Variants in ARHGAP42 observed in about 807,000 individuals in gnomAD.
ARHGAP42 encodes the protein rho GTPase-activating protein 42.
In ARHGAP42, 63 loss-of-function variants were observed where a neutral mutation model predicts 125.0. The ratio of observed to expected loss-of-function variants is 0.50; its 90% CI spans 0.41 to 0.62. The LOEUF (loss-of-function observed/expected upper bound fraction) is 0.62, where lower values mean the gene tolerates loss of function less well. ARHGAP42 is among the 20% of genes least tolerant of loss of function. ARHGAP42 has a pLI of 0.00. For missense variants in ARHGAP42, 766 were observed against 1,024.2 expected (o/e 0.75, Z 3.44); for synonymous variants, 339 against 351.0 (o/e 0.97, Z 0.38).
intron 12 of ARHGAP42, among the ~76,000 whole-genome samples, chr11:100,959,513 A>C (rs1217695697): frequency 6.6e-6 from 1 of 152,102 alleles, no homozygotes; most frequent in Non-Finnish European, 1.5e-5. Context: ...ATCGCGGGAA[A>C]GGATATGTGA....
At chr11:100,709,525 T>C (rs1861527840) in intron 1 of ARHGAP42, among the ~76,000 whole-genome samples, 1 of 152,198 alleles carries the variant, frequency 6.6e-6, no homozygotes, top group South Asian at 2.1e-4. Context: ...TTAAAACTGG[T>C]TGTTTCTTTC....
At chr11:100,717,796 C>T (rs942844002) in intron 1 of ARHGAP42, among the ~76,000 whole-genome samples, 50 of 149,942 alleles carry the variant, frequency 3.3e-4, no homozygotes, top group Non-Finnish European at 5.9e-5. Flanking sequence ...CGTGGTGGCA[C>T]ACACCTGTCA....
intron 3 of ARHGAP42, among the ~76,000 whole-genome samples, chr11:100,852,756 C>T (rs1390544508): frequency 2.0e-5 from 3 of 152,100 alleles, no homozygotes; most frequent in Non-Finnish European, 4.4e-5. Context: ...AACTGTGTTA[C>T]AGGAATATTT....
intron 2 of ARHGAP42, among the ~76,000 whole-genome samples, chr11:100,787,435 A>G (rs912389701): frequency 6.6e-6 from 1 of 152,196 alleles, no homozygotes; most frequent in African/African-American, 2.4e-5. Context: ...TCTTTTGTTT[A>G]TAAATTACCC....
chr11:100,717,996 C>T (rs1322643738), intron 1 of ARHGAP42, among the ~76,000 whole-genome samples: 9 of 150,506 alleles, frequency 6.0e-5, no homozygotes, highest in Non-Finnish European at 1.2e-4. Flanking sequence ...AAACTTGTTT[C>T]TGTTTTATAA....
chr11:100,715,359 A>AATC (rs1200617007), intron 1 of ARHGAP42, among the ~76,000 whole-genome samples: 1 of 152,046 alleles, frequency 6.6e-6, no homozygotes, highest in Non-Finnish European at 1.5e-5. Flanking sequence ...TAACCCAGTG[A>AATC]ATCTAGTATC....
chr11:100,709,706 C>T (rs1266376378), intron 1 of ARHGAP42, among the ~76,000 whole-genome samples: 3 of 152,106 alleles, frequency 2.0e-5, no homozygotes, highest in Non-Finnish European at 4.4e-5. Context: ...GGCTTAAAGT[C>T]CTCAGATTGA....
intron 4 of ARHGAP42, among the ~76,000 whole-genome samples, chr11:100,898,140 C>T (rs1233646149): frequency 1.3e-5 from 2 of 152,110 alleles, no homozygotes; most frequent in African/African-American, 4.8e-5. Context: ...TGATGGATTA[C>T]GTTTACTGGT....
At chr11:100,782,863 A>G (rs1013937083) in intron 2 of ARHGAP42, among the ~76,000 whole-genome samples, 1 of 152,236 alleles carries the variant, frequency 6.6e-6, no homozygotes, top group African/African-American at 2.4e-5. Context: ...GTAAGGAAGT[A>G]AAGATGATCC....
intron 8 of ARHGAP42, among the ~76,000 whole-genome samples, chr11:100,938,708 G>C (rs1233108791): frequency 6.6e-6 from 1 of 151,934 alleles, no homozygotes; most frequent in Non-Finnish European, 1.5e-5. Flanking sequence ...CCTTTGCCAA[G>C]GGATATAAAG....
intron 4 of ARHGAP42, among the ~76,000 whole-genome samples, chr11:100,891,074 A>G (rs1866206056): frequency 6.6e-6 from 1 of 152,166 alleles, no homozygotes; most frequent in Non-Finnish European, 1.5e-5. Context: ...TTCTGGACCA[A>G]CTGAGTAGAT....
At chr11:100,794,644 A>G (rs1863664732) in intron 2 of ARHGAP42, among the ~76,000 whole-genome samples, 1 of 152,224 alleles carries the variant, frequency 6.6e-6, no homozygotes, top group South Asian at 2.1e-4. Context: ...TTCAGCTTCT[A>G]GAAGTCAGTG....
rs1490758473 is a variant in ARHGAP42, at chr11:100,990,977, A to T, written c.*2176A>T. The T allele has an allele frequency of 1.3e-5, 2 of 152,192 alleles. No homozygotes were observed. The highest frequency in any genetic ancestry group is 6.6e-5 in the Admixed American group (1 of 15,258). 9.4% of individuals were successfully genotyped at this position (152,192 alleles called of 1,614,324 possible). On this transcript the variant is annotated 3_prime_UTR_variant, in exon 24 of 24. Transcript: ENST00000298815. ...TGTAAGCTAATTCTGCAGATGTTCC[A>T]TTCAGATTTAAAGCTTTTTTACTGC...
In ARHGAP42 at chr11:100,961,381, G is replaced by T. The variant is rs532955903; in HGVS notation, c.1301-303G>T. 3.9e-5 allele frequency among the ~76,000 whole-genome samples: 6 copies of T among 152,158 alleles called. No homozygotes were observed. In the South Asian group the frequency reaches 1.0e-3, roughly 26 times the overall value. On this transcript the variant is annotated intron_variant, in intron 14 of 23. Coordinates refer to ENST00000298815, the MANE Select transcript of ARHGAP42 (RefSeq NM_152432.4). ...GGTACCTGCCTCTTAAGAGTTGTGA[G>T]GATTGACTATGTTAATCTCCGTAAA...
chr11:100,691,433 C>T (rs1424716904), intron 1 of ARHGAP42, among the ~76,000 whole-genome samples: 1 of 152,026 alleles, frequency 6.6e-6, no homozygotes, highest in Non-Finnish European at 1.5e-5. Flanking sequence ...AATGAGCTTT[C>T]TCCTTGTAAT....
chr11:100,874,121 G>A (rs983196019), intron 4 of ARHGAP42, among the ~76,000 whole-genome samples: 1 of 152,184 alleles, frequency 6.6e-6, no homozygotes, highest in Non-Finnish European at 1.5e-5. Context: ...TCTCCCAAGG[G>A]CTTTTGTGCT....
intron 1 of ARHGAP42, among the ~76,000 whole-genome samples, chr11:100,751,773 C>CTTTTT (rs757372755): frequency 0.02 from 1,676 of 84,386 alleles, 214 homozygotes; most frequent in African/African-American, 0.023. Flanking sequence ...AGACAGGCAC[C>CTTTTT]TTTTTTTTTT....
chr11:100,713,665 T>TA (rs1347248634), intron 1 of ARHGAP42, among the ~76,000 whole-genome samples: 1 of 152,200 alleles, frequency 6.6e-6, no homozygotes, highest in African/African-American at 2.4e-5. Context: ...TAATTTCTGC[T>TA]AAAAAATACA....
At chr11:100,937,020 G>A (rs541137750) in intron 8 of ARHGAP42, among the ~76,000 whole-genome samples, 84 of 152,338 alleles carry the variant, frequency 5.5e-4, no homozygotes, top group African/African-American at 2.0e-3. Flanking sequence ...AAACAGTTGT[G>A]TGTGAGTTTC....
Sources: gnomAD v4.1 joint callset for allele counts (sites outside exome capture counted in the v4.1 genomes callset) on GRCh38, gnomAD v4.1.1 for gene constraint, MANE v1.5 for transcripts, NCBI Gene and HGNC (gene_info 2026-07-23, HGNC 2026-07-21) for gene names.